The following FAM168A variants were observed in gnomAD, a reference collection of about 807,000 sequenced individuals.
The protein encoded by FAM168A is family with sequence similarity 168 member A.
In FAM168A, 3 loss-of-function variants were observed where a neutral mutation model predicts 28.5. The observed-to-expected ratio is 0.11, with a 90% CI of 0.05 to 0.27. The LOEUF is 0.27. Ranked by LOEUF, FAM168A falls within the 10% of genes least tolerant of loss-of-function variation. FAM168A has a pLI of 1.00. For synonymous variants in FAM168A, 122 were observed against 124.2 expected (o/e 0.98, Z 0.12); for missense variants, 222 against 311.5 (o/e 0.71, Z 2.16).
In FAM168A at chr11:73,510,868, A is replaced by C. The variant is rs1465957615; in HGVS notation, c.-18-42376T>G. On this transcript the variant is annotated intron_variant, in intron 1 of 7. Transcript: ENST00000356467. The stretch of plus-strand genomic sequence containing the variant: ...AGAAACAAGCTGCTGAATTCAATGG[A>C]AGCTGCTCTGTGACCACCAGATCCA... 1.6e-5 allele frequency: 5 copies of C among 310,318 alleles called. No homozygotes were observed. The East Asian group carries it at 2.3e-4, about 15-fold the overall frequency. 19.2% of individuals were successfully genotyped at this position (310,318 alleles called of 1,614,324 possible).
At chr11:73,539,292 C>T (rs373929735) in intron 1 of FAM168A, among the ~76,000 whole-genome samples, 34 of 151,954 alleles carry the variant, frequency 2.2e-4, no homozygotes, top group African/African-American at 3.4e-4. Flanking sequence ...TTTTTTGAGA[C>T]GGAGTCTCAT....
chr11:73,420,644 T>C (rs947912488), intron 3 of FAM168A, among the ~76,000 whole-genome samples: 1 of 152,242 alleles, frequency 6.6e-6, no homozygotes, highest in Non-Finnish European at 1.5e-5. Flanking sequence ...ACTTCTTGCA[T>C]ACCCCTGAAT....
chr11:73,465,964 G>GGAGAGAGA (rs3073508), intron 2 of FAM168A, among the ~76,000 whole-genome samples: 5 of 149,366 alleles, frequency 3.3e-5, no homozygotes, highest in Admixed American at 2.0e-4. Flanking sequence ...GCTTTAAAAG[G>GGAGAGAGA]GAGAGAGAGA....
At chr11:73,567,450 T>C (rs576780468) in intron 1 of FAM168A, among the ~76,000 whole-genome samples, 108 of 152,238 alleles carry the variant, frequency 7.1e-4, no homozygotes, top group Admixed American at 1.6e-3. Flanking sequence ...TCAAAGAAAT[T>C]CTCAATGTGG....
intron 1 of FAM168A, among the ~76,000 whole-genome samples, chr11:73,538,394 C>T (rs1481499567): frequency 1.3e-5 from 2 of 151,664 alleles, no homozygotes; most frequent in African/African-American, 4.8e-5. Flanking sequence ...CCCCAACAAG[C>T]TCTTCAGAGC....
intron 2 of FAM168A, among the ~76,000 whole-genome samples, chr11:73,458,387 G>A (rs1177116591): frequency 1.3e-5 from 2 of 152,186 alleles, no homozygotes; most frequent in Non-Finnish European, 2.9e-5. Flanking sequence ...ATGTAAATCA[G>A]TCACAAGCAA....
At chr11:73,456,558 A>T (rs1346781153) in intron 2 of FAM168A, among the ~76,000 whole-genome samples, 2 of 152,204 alleles carry the variant, frequency 1.3e-5, no homozygotes, top group African/African-American at 4.8e-5. Context: ...GAAAAAAAAA[A>T]TCCTTACTCG....
intron 1 of FAM168A, among the ~76,000 whole-genome samples, chr11:73,574,907 G>A (rs1449664572): frequency 2.0e-5 from 3 of 150,798 alleles, no homozygotes; most frequent in Non-Finnish European, 4.4e-5. Context: ...AATGATGAAA[G>A]CACCAAATTA....
chr11:73,499,748 A>T (rs891466385), intron 1 of FAM168A, among the ~76,000 whole-genome samples: 2 of 152,114 alleles, frequency 1.3e-5, no homozygotes, highest in Non-Finnish European at 2.9e-5. Flanking sequence ...TCAACAGCCG[A>T]ATCAGCCAAG....
Position 73,468,451 on chromosome 11 carries a change from C to T in FAM168A, c.24G>A (p.Val8=). The T allele has an allele frequency of 6.2e-7, 1 of 1,614,122 alleles. No individual in the cohort carries two copies. The highest frequency in any genetic ancestry group is 2.2e-5 in the East Asian group (1 of 44,882). The change falls in exon 2 of 8, where the codon GTG becomes GTA. Residue 8 remains valine, a synonymous_variant. Coordinates refer to ENST00000356467, the MANE Select transcript of FAM168A (RefSeq NM_015159.3). The part of the protein sequence containing the change: MNPVYSP[V]QPGAPYGNPK... ...GGTTGCCATAAGGAGCCCCAGGCTGCACGGGGCTGTAAACAGGGTTCATTG... is the reference window on the plus strand; with the variant it reads ...GGTTGCCATAAGGAGCCCCAGGCTGTACGGGGCTGTAAACAGGGTTCATTG...
chr11:73,446,213 G>T (rs1011336090), intron 2 of FAM168A, among the ~76,000 whole-genome samples: 3 of 152,122 alleles, frequency 2.0e-5, no homozygotes, highest in African/African-American at 7.2e-5. Context: ...TTTACTGCTT[G>T]TTTTATTATG....
chr11:73,590,837 CTAAA>C (rs1944372362), intron 1 of FAM168A, among the ~76,000 whole-genome samples: 1 of 152,014 alleles, frequency 6.6e-6, no homozygotes, highest in Admixed American at 6.6e-5. Context: ...TACTACCTGT[CTAAA>C]TAGGTTGAAG....
chr11:73,437,744 C>T (rs569925247), intron 2 of FAM168A, among the ~76,000 whole-genome samples: 152 of 150,554 alleles, frequency 1.0e-3, no homozygotes, highest in African/African-American at 3.6e-3. Flanking sequence ...GAGTCGAGAT[C>T]GCACCATTGC....
At chr11:73,522,100 T>A (rs1943388270) in intron 1 of FAM168A, among the ~76,000 whole-genome samples, 1 of 152,070 alleles carries the variant, frequency 6.6e-6, no homozygotes, top group Non-Finnish European at 1.5e-5. Flanking sequence ...TGGCTGTGAC[T>A]TCCCTCTTAC....
At chr11:73,508,902 C>A (rs976428976) in intron 1 of FAM168A, among the ~76,000 whole-genome samples, 3 of 152,146 alleles carry the variant, frequency 2.0e-5, no homozygotes, top group African/African-American at 7.2e-5. Flanking sequence ...AGTCACTGAT[C>A]ATTATGTTTT....
At chr11:73,540,234 T>G (rs1314716677) in intron 1 of FAM168A, among the ~76,000 whole-genome samples, 1 of 152,210 alleles carries the variant, frequency 6.6e-6, no homozygotes, top group Non-Finnish European at 1.5e-5. Flanking sequence ...TTGATAAAAG[T>G]AGAATAAATG....
intron 2 of FAM168A, among the ~76,000 whole-genome samples, chr11:73,467,196 A>G (rs1867748683): frequency 6.6e-6 from 1 of 151,990 alleles, no homozygotes; most frequent in Non-Finnish European, 1.5e-5. Flanking sequence ...TGATTAATAG[A>G]GACAAAAAAA....
chr11:73,412,283 GCCA>G (rs1565233819), intron 4 of FAM168A: 2 of 152,248 alleles, frequency 1.3e-5, no homozygotes, highest in East Asian at 3.9e-4. Flanking sequence ...CTAGGGGAAG[GCCA>G]CCTCTGCCTG....
At chr11:73,452,254 A>T (rs1286403735) in intron 2 of FAM168A, 1 of 152,274 alleles carries the variant, frequency 6.6e-6, no homozygotes, top group Non-Finnish European at 1.5e-5. Flanking sequence ...CAATGAGTGT[A>T]ATGTGATAGA....
Sources: allele counts gnomAD v4.1 joint callset (sites outside exome capture counted in the v4.1 genomes callset), GRCh38; gene constraint gnomAD v4.1.1; transcripts MANE v1.5; gene names NCBI Gene and HGNC (gene_info 2026-07-23, HGNC 2026-07-21).